SPHKAP: variants seen among roughly 807,000 people sequenced by gnomAD.
SPHKAP encodes SPHK1 interactor, AKAP domain containing.
SPHKAP carries 67 observed loss-of-function variants against 137.5 expected under a neutral mutation model. The ratio of observed to expected loss-of-function variants is 0.49; its 90% CI spans 0.40 to 0.60. SPHKAP has a LOEUF of 0.60. Among genes scored for constraint, SPHKAP ranks in the 20% least tolerant of loss-of-function variants. The probability of loss-of-function intolerance (pLI) is 0.00; values close to 1 mark genes in which losing one functional copy is unlikely to be tolerated. For missense variants in SPHKAP, 2,097 were observed against 2,069.3 expected (o/e 1.01, Z -0.26); for synonymous variants, 813 against 785.3 (o/e 1.04, Z -0.59).
chr2:228,085,138 C>T (rs1697497605), intron 3 of SPHKAP, among the ~76,000 whole-genome samples: 1 of 152,302 alleles, frequency 6.6e-6, no homozygotes, highest in Middle Eastern at 3.4e-3. Context: ...TTTCTTCTGA[C>T]ACTGCACTGT....
chr2:228,015,090 T>G, intron 7 of SPHKAP, among the ~76,000 whole-genome samples: 1 of 95,670 alleles, frequency 1.0e-5, no homozygotes, highest in Non-Finnish European at 2.0e-5. Flanking sequence ...CCCACAACAG[T>G]CCCCAGAGTG....
In SPHKAP at chr2:228,017,218, G is replaced by A; in HGVS notation, c.3636C>T (p.Ser1212=). The change falls in exon 7 of 12, where the codon TCC becomes TCT. Residue 1212 remains serine, a synonymous_variant. Transcript: ENST00000392056. ...IERDSRESAS[S]RRSSQDWTAG... Reference sequence around the variant, plus strand: ...CTGTCCAATCCTGGCTGCTCCGTCTGGAGGAGGCACTTTCTCTGCTGTCTC... The same window carrying A: ...CTGTCCAATCCTGGCTGCTCCGTCTAGAGGAGGCACTTTCTCTGCTGTCTC... 6.2e-7 allele frequency: 1 copy of A among 1,613,992 alleles called. No individual in the cohort carries two copies. The highest frequency in any genetic ancestry group is 8.5e-7 in the Non-Finnish European group (1 of 1,180,022).
intron 3 of SPHKAP, among the ~76,000 whole-genome samples, chr2:228,031,126 G>A (rs78414452): frequency 2.0e-5 from 3 of 152,204 alleles, no homozygotes; most frequent in South Asian, 2.1e-4. Context: ...GTCAAAGAAA[G>A]GGGTGACAGA....
At chr2:228,155,461 T>C (rs1363361135) in intron 1 of SPHKAP, among the ~76,000 whole-genome samples, 4 of 152,188 alleles carry the variant, frequency 2.6e-5, no homozygotes, top group Admixed American at 1.3e-4. Flanking sequence ...TATAAGTATG[T>C]GTTTCAGGTT....
At chr2:228,006,035 G>C (rs984392629) in intron 7 of SPHKAP, among the ~76,000 whole-genome samples, 1 of 151,968 alleles carries the variant, frequency 6.6e-6, no homozygotes, top group African/African-American at 2.4e-5. Flanking sequence ...TGCTCTTCTC[G>C]AGGAGTATCT....
At chr2:228,151,689 A>G (rs987336801) in intron 1 of SPHKAP, among the ~76,000 whole-genome samples, 2 of 152,164 alleles carry the variant, frequency 1.3e-5, no homozygotes, top group Non-Finnish European at 2.9e-5. Flanking sequence ...ATTTTTTTGT[A>G]GTGATGGGAT....
chr2:228,014,651 C>T (rs1408411489), intron 7 of SPHKAP, among the ~76,000 whole-genome samples: 1 of 152,054 alleles, frequency 6.6e-6, no homozygotes, highest in Non-Finnish European at 1.5e-5. Context: ...TACACTCAAC[C>T]ATAACCACAC....
chr2:228,019,287 G>T lies in SPHKAP; in HGVS notation c.1567C>A (p.Gln523Lys), dbSNP rs1694743237. 1 of 1,614,094 alleles carries T rather than the reference G, an allele frequency of 6.2e-7. No homozygotes were observed. The highest frequency in any genetic ancestry group is 1.3e-5 in the African/African-American group (1 of 75,068). ...CCTGGGGGAAAGTTCGAGACCACTT[G>T]CTCCATTTTGAGTCTTTCTGTGGCC... ...PQATERLKMEQVVSNFPPGSS... is the reference protein window; with the variant it reads ...PQATERLKMEKVVSNFPPGSS... Residue 523 changes from glutamine (Q) to lysine (K), a missense_variant, in exon 7 of 12, where the codon CAA becomes AAA. Coordinates refer to ENST00000392056, the MANE Select transcript of SPHKAP (RefSeq NM_001142644.2).
At chr2:228,063,882 T>C (rs1181361852) in intron 3 of SPHKAP, among the ~76,000 whole-genome samples, 1 of 152,212 alleles carries the variant, frequency 6.6e-6, no homozygotes, top group Non-Finnish European at 1.5e-5. Flanking sequence ...TTTTGAGATG[T>C]CATTTGGGAA....
chr2:228,157,182 A>G (rs1455207543), intron 1 of SPHKAP, among the ~76,000 whole-genome samples: 1 of 152,360 alleles, frequency 6.6e-6, no homozygotes, highest in African/African-American at 2.4e-5. Context: ...ATATTTTCAC[A>G]TAAGTTGATA....
chr2:228,086,004 G>C (rs562744623), intron 3 of SPHKAP, among the ~76,000 whole-genome samples: 1 of 152,216 alleles, frequency 6.6e-6, no homozygotes, highest in South Asian at 2.1e-4. Context: ...TGGACTCTAT[G>C]TTTACAAACC....
chr2:228,163,992 T>C lies in SPHKAP; in HGVS notation c.32+17575A>G, dbSNP rs748972236. Among the ~76,000 whole-genome samples the C allele has an allele frequency of 2.6e-5, 4 of 152,040 alleles. No individual in the cohort carries two copies. The South Asian group carries it at 8.3e-4, about 32-fold the overall frequency. On this transcript the variant is annotated intron_variant, in intron 1 of 11. Transcript: ENST00000392056. ...AGGGTGTTGCCAGAGGGGATTGATA[T>C]TTGGGTCAGTGGACTGGGAGAGGAA...
intron 3 of SPHKAP, among the ~76,000 whole-genome samples, chr2:228,070,122 T>C (rs145281855): frequency 1.1e-3 from 172 of 152,316 alleles, no homozygotes; most frequent in African/African-American, 3.8e-3. Flanking sequence ...CACATATAAC[T>C]TTTGACTCTC....
At chr2:228,025,238 A>G (rs912658658) in intron 5 of SPHKAP, among the ~76,000 whole-genome samples, 156 bp downstream of exon 5, 4 of 152,248 alleles carry the variant, frequency 2.6e-5, no homozygotes, top group Non-Finnish European at 4.4e-5. Context: ...GGCTCTATTT[A>G]AGAGAAATAC....
chr2:228,082,722 T>C (rs905236988), intron 3 of SPHKAP, among the ~76,000 whole-genome samples: 2 of 152,152 alleles, frequency 1.3e-5, no homozygotes, highest in Admixed American at 6.5e-5. Context: ...GCTCCACTAT[T>C]TACTAGCTGT....
intron 2 of SPHKAP, among the ~76,000 whole-genome samples, chr2:228,122,258 C>A (rs12993813): frequency 2.0e-5 from 3 of 151,954 alleles, no homozygotes; most frequent in East Asian, 3.9e-4. Context: ...ATGTTCTAAG[C>A]TATTTGAAGT....
At chr2:228,098,814 GT>G (rs35480556) in intron 3 of SPHKAP, among the ~76,000 whole-genome samples, 3 of 150,008 alleles carry the variant, frequency 2.0e-5, no homozygotes, top group Non-Finnish European at 4.4e-5. Flanking sequence ...TTTTAATGGG[GT>G]TTTTTTTGCT....
intron 1 of SPHKAP, among the ~76,000 whole-genome samples, chr2:228,149,152 A>G (rs1172024744): frequency 3.9e-5 from 6 of 152,144 alleles, no homozygotes; most frequent in African/African-American, 1.2e-4. Context: ...AATAGAGAGA[A>G]TTTTAAGACC....
chr2:228,077,909 A>T (rs896474378), intron 3 of SPHKAP, among the ~76,000 whole-genome samples: 3 of 152,110 alleles, frequency 2.0e-5, no homozygotes, highest in Non-Finnish European at 2.9e-5. Flanking sequence ...ACCCAGTGGG[A>T]GGTGATTGAA....
Sources: gnomAD v4.1 joint callset for allele counts (sites outside exome capture counted in the v4.1 genomes callset) on GRCh38, gnomAD v4.1.1 for gene constraint, MANE v1.5 for transcripts, NCBI Gene and HGNC (gene_info 2026-07-23, HGNC 2026-07-21) for gene names.